Variants in TTN observed in about 807,000 individuals in gnomAD.
TTN encodes the protein titin.
Under a neutral mutation model 3,223.0 loss-of-function variants are expected in TTN, and 1,525 were observed. The ratio of observed to expected loss-of-function variants is 0.47; its 90% CI spans 0.45 to 0.49. The LOEUF is 0.49. Among genes scored for constraint, TTN ranks in the 20% least tolerant of loss-of-function variants. The pLI is 0.00. For missense variants in TTN, 40,786 were observed against 43,424.0 expected, an observed-to-expected ratio of 0.94 and a Z score of 5.40; for synonymous variants, 14,094 against 15,161.0, an observed-to-expected ratio of 0.93 and a Z score of 5.17.
rs752143463 is a variant in TTN, at chr2:178,633,422, T to C, written c.42937A>G (p.Thr14313Ala). The change falls in exon 232 of 363, where the codon ACT becomes GCT. Residue 14313 changes from threonine (T) to alanine (A), a missense_variant. By Grantham distance (58) the Thr-to-Ala change is moderately conservative. Coordinates refer to ENST00000589042, the MANE Select transcript of TTN (RefSeq NM_001267550.2). Reference sequence around the variant, plus strand: ...TTGTTGAGCAACTCACCCTCAACAGTAACATTTGCCTTGGTCTTGTCTGTG... The same window carrying C: ...TTGTTGAGCAACTCACCCTCAACAGCAACATTTGCCTTGGTCTTGTCTGTG... ...CGTDKTKANV[T>A]VEARLIKVEK... The C allele has an allele frequency of 1.9e-6, 3 of 1,613,278 alleles. No individual in the cohort carries two copies. The highest frequency in any genetic ancestry group is 2.5e-6 in the Non-Finnish European group (3 of 1,179,566).
chr2:178,528,283 TTAA>T lies in TTN; in HGVS notation c.107365_107367del (p.Leu35789del), dbSNP rs757181562. 3.1e-6 allele frequency: 5 copies of T among 1,613,622 alleles called. No homozygotes were observed. In the African/African-American group the frequency reaches 4.0e-5, roughly 13 times the overall value. On this transcript the variant is annotated inframe_deletion, in exon 361 of 363. Transcript: ENST00000589042. ...GTGAGGAGATACTTACGAAGGACCATTAAGGAAGCTGTAGCTGAACACTGGCCA... is the reference window on the plus strand; with the variant it reads ...GTGAGGAGATACTTACGAAGGACCATGGAAGCTGTAGCTGAACACTGGCCA...
intron 217 of TTN, chr2:178,645,643 A>C (rs2061824329): frequency 4.2e-6 from 1 of 237,178 alleles, no homozygotes; most frequent in Non-Finnish European, 8.1e-6. Flanking sequence ...CTTTCTCCCC[A>C]CTCCACAAAA....
intron 132 of TTN, 25 bp downstream of exon 132, chr2:178,684,305 G>A (rs1302612986): frequency 6.2e-7 from 1 of 1,609,398 alleles, no homozygotes; most frequent in African/African-American, 1.3e-5. Context: ...GTACAATATT[G>A]TGCATAATGG....
In TTN at chr2:178,549,546, C is replaced by T. The variant is rs774869049; in HGVS notation, c.92152+24G>A. 4.1e-5 allele frequency: 65 copies of T among 1,603,398 alleles called. No homozygotes were observed. Among genetic ancestry groups the T allele is most frequent in the South Asian group, 4.4e-5 (4 of 89,924 alleles). ...GAAGGTTAAACTTTTGACATAGTAC[C>T]GCTTAGTAAAAACGCAAACTTACTA... On this transcript the variant is annotated intron_variant, in intron 338 of 362. Transcript: ENST00000589042.
chr2:178,731,882 G>A lies in TTN; in HGVS notation c.16993C>T (p.Pro5665Ser), dbSNP rs775278050. Residue 5665 changes from proline (P) to serine (S), a missense_variant, in exon 58 of 363, where the codon CCC (proline) becomes TCC (serine). By Grantham distance (74) the Pro-to-Ser change is moderately conservative (BLOSUM62 -1). Coordinates refer to ENST00000589042, the MANE Select transcript of TTN (RefSeq NM_001267550.2). ...TCTTTGAACCAAGTGATCTCAAAGG[G>A]AGGAGTGCCTGCCACCTCAGCCAGC... ...MLLAEVAGTPPFEITWFKDNT... is the reference protein window; with the variant it reads ...MLLAEVAGTPSFEITWFKDNT... 3.7e-6 allele frequency: 6 copies of A among 1,613,644 alleles called. 1 individual carries two copies. The South Asian group carries it at 6.6e-5, about 18-fold the overall frequency.
chr2:178,593,394 T>C lies in TTN; in HGVS notation c.58814A>G (p.Asp19605Gly). Residue 19605 changes from aspartate to glycine, a missense_variant, in exon 299 of 363, where the codon GAT becomes GGT. Asp to Gly is a moderately conservative substitution (Grantham distance 94). Transcript: ENST00000589042. ...SALVTWNKPH[D>G]GGKPITNYIL... ...GTAGTTTGTGATGGGTTTTCCTCCA[T>C]CATGTGGCTTATTCCAGGTTACTAA... The C allele has an allele frequency of 6.2e-7, 1 of 1,613,354 alleles. No individual in the cohort carries two copies. The highest frequency in any genetic ancestry group is 1.1e-5 in the South Asian group (1 of 91,064).
intron 147 of TTN, among the ~76,000 whole-genome samples, chr2:178,676,743 G>A (rs1420259879): frequency 6.6e-6 from 1 of 151,756 alleles, no homozygotes; most frequent in Non-Finnish European, 1.5e-5. Flanking sequence ...TTATATATAT[G>A]TATTAGAAGA....
In TTN at chr2:178,534,478, G is replaced by A; in HGVS notation, c.102137C>T (p.Ala34046Val). Residue 34046 changes from alanine to valine, a missense_variant, in exon 358 of 363, where the codon GCC becomes GTC. Transcript: ENST00000589042. The stretch of plus-strand genomic sequence containing the variant: ...TAACAACCGGTCAACAAAATCCATG[G>A]CTTCAATGCTAATCTCTTTGAATGC... ...EEAFKEISIEAMDFVDRLLVK... is the reference protein window; with the variant it reads ...EEAFKEISIEVMDFVDRLLVK... The A allele has an allele frequency of 6.2e-7, 1 of 1,613,536 alleles. No homozygotes were observed. Among genetic ancestry groups the A allele is most frequent in the Non-Finnish European group, 8.5e-7 (1 of 1,179,796 alleles).
chr2:178,720,751 G>C, intron 79 of TTN, 88 bp from the exon 80 acceptor site: 3 of 1,410,992 alleles, frequency 2.1e-6, no homozygotes, highest in Non-Finnish European at 1.9e-6. Flanking sequence ...AGAGTGACTG[G>C]TGTGATCATA....
chr2:178,630,858 T>A lies in TTN; in HGVS notation c.44100A>T (p.Glu14700Asp). ...ETARFETEISEDDIHANWKLK... is the reference protein window; with the variant it reads ...ETARFETEISDDDIHANWKLK... ...GTTTCCAGTTGGCGTGGATATCATC[T>A]TCAGAGATTTCGGTTTCAAAGCGTG... The change falls in exon 238 of 363, where the codon GAA (glutamate) becomes GAT (aspartate). Residue 14700 changes from glutamate (E) to aspartate (D), a missense_variant. Glu to Asp is a conservative substitution (Grantham distance 45, BLOSUM62 2). Coordinates refer to ENST00000589042, the MANE Select transcript of TTN (RefSeq NM_001267550.2). 6.2e-7 allele frequency: 1 copy of A among 1,613,388 alleles called. No homozygotes were observed. Among genetic ancestry groups the A allele is most frequent in the Middle Eastern group, 1.7e-4 (1 of 6,050 alleles).
intron 88 of TTN, among the ~76,000 whole-genome samples, chr2:178,716,650 A>C (rs1382596228): frequency 6.6e-6 from 1 of 152,172 alleles, no homozygotes; most frequent in Non-Finnish European, 1.5e-5. Context: ...GAGGAAAGTA[A>C]GTTGAACTTA....
chr2:178,647,213 T>A, intron 214 of TTN, 69 bp from the exon 215 acceptor site: 1 of 1,151,062 alleles, frequency 8.7e-7, no homozygotes, highest in Non-Finnish European at 1.2e-6. Flanking sequence ...TATTCTAACA[T>A]ATCAACCTAG....
chr2:178,774,808 G>T, intron 29 of TTN, 113 bp downstream of exon 29: 1 of 1,238,730 alleles, frequency 8.1e-7, no homozygotes, highest in Non-Finnish European at 1.1e-6. Context: ...GAAACTTATA[G>T]TCAATTTCCA....
In TTN at chr2:178,804,623, G is replaced by A. The variant is rs761344572; in HGVS notation, c.20C>T (p.Thr7Met). 1.2e-5 allele frequency: 19 copies of A among 1,613,900 alleles called. No homozygotes were observed. Among genetic ancestry groups the A allele is most frequent in the South Asian group, 3.3e-5 (3 of 91,044 alleles). MTTQAPTFTQPLQSVVV... is the reference protein window; with the variant it reads MTTQAPMFTQPLQSVVV... ...AACGCTTTGTAACGGCTGCGTAAAC[G>A]TCGGTGCTTGAGTTGTCATCTTTCT... Residue 7 changes from threonine (T) to methionine (M), a missense_variant, in exon 2 of 363, where the codon ACG (threonine) becomes ATG (methionine). Coordinates refer to ENST00000589042, the MANE Select transcript of TTN (RefSeq NM_001267550.2).
At chr2:178,723,387 A>G in intron 74 of TTN, 31 bp downstream of exon 74, 1 of 1,604,708 alleles carries the variant, frequency 6.2e-7, no homozygotes, top group Non-Finnish European at 8.5e-7. Context: ...GGTATACAGA[A>G]AACAGAAAAA....
intron 240 of TTN, 57 bp from the exon 241 acceptor site, chr2:178,625,453 T>G: frequency 4.8e-6 from 7 of 1,453,378 alleles, no homozygotes; most frequent in Non-Finnish European, 6.3e-6. Flanking sequence ...TGGGTGCATT[T>G]AATTCATTTA....
At chr2:178,710,320 G>A (rs922946767) in intron 98 of TTN, among the ~76,000 whole-genome samples, 2 of 151,992 alleles carry the variant, frequency 1.3e-5, no homozygotes, top group East Asian at 1.9e-4. Flanking sequence ...GGTGGCAGGC[G>A]CCTGTAATCC....
chr2:178,786,216 A>T (rs1297194379), intron 13 of TTN, 75 bp from the exon 14 acceptor site: 1 of 1,527,162 alleles, frequency 6.5e-7, no homozygotes, highest in Non-Finnish European at 9.0e-7. Context: ...GCATCAGGAC[A>T]GGCAGATGGC....
At chr2:178,723,806 C>T (rs753256343) in intron 73 of TTN, 50 bp downstream of exon 73, 1 of 1,556,856 alleles carries the variant, frequency 6.4e-7, no homozygotes, top group East Asian at 2.3e-5. Flanking sequence ...AGATGTGCAC[C>T]TGAAGAGGAA....
Sources: allele counts gnomAD v4.1 joint callset (sites outside exome capture counted in the v4.1 genomes callset), GRCh38; gene constraint gnomAD v4.1.1; transcripts MANE v1.5; gene names NCBI Gene and HGNC (gene_info 2026-07-23, HGNC 2026-07-21).